The following PLIN3 variants were observed in gnomAD, a reference collection of about 807,000 sequenced individuals.
PLIN3 encodes the protein perilipin 3, also known as perilipin-3.
PLIN3 carries 30 observed loss-of-function variants against 35.9 expected under a neutral mutation model. That is an observed-to-expected ratio of 0.84 (90% CI 0.62 to 1.13). The LOEUF (loss-of-function observed/expected upper bound fraction) is 1.13, where lower values mean the gene tolerates loss of function less well. Among genes scored for constraint, PLIN3 ranks in the 50% most tolerant of loss-of-function variants. The pLI is 0.00. For synonymous variants in PLIN3, 261 were observed against 262.5 expected, an observed-to-expected ratio of 0.99 and a Z score of 0.06; for missense variants, 603 against 596.9, an observed-to-expected ratio of 1.01 and a Z score of -0.11.
chr19:4,849,163 G>T (rs1347331949), intron 5 of PLIN3, among the ~76,000 whole-genome samples: 1 of 151,890 alleles, frequency 6.6e-6, no homozygotes, highest in African/African-American at 2.4e-5. Flanking sequence ...TGTAGGAATG[G>T]GGTCTCACTA....
chr19:4,863,890 G>C (rs2030756969), intron 1 of PLIN3, among the ~76,000 whole-genome samples: 1 of 151,830 alleles, frequency 6.6e-6, no homozygotes, highest in African/African-American at 2.4e-5. Context: ...GACATGACAT[G>C]AACAAAGATC....
In PLIN3 at chr19:4,839,191, C is replaced by A. The variant is rs747726786; in HGVS notation, c.*1G>T. 5.0e-6 allele frequency: 8 copies of A among 1,598,088 alleles called. No individual in the cohort carries two copies. Among genetic ancestry groups the A allele is most frequent in the South Asian group, 1.1e-5 (1 of 89,916 alleles). ...GGCCCGCTGAGTCCTCTCCTCTCCC[C>A]CTACTTCTTCTCCTCCGGGGCTTTC... On this transcript the variant is annotated 3_prime_UTR_variant, in exon 8 of 8. Transcript: ENST00000221957.
At chr19:4,842,599 CAAAAAAAA>C (rs11383489) in intron 7 of PLIN3, among the ~76,000 whole-genome samples, 1 of 46,906 alleles carries the variant, frequency 2.1e-5, no homozygotes, top group African/African-American at 9.4e-5. Flanking sequence ...GACTCTATCT[CAAAAAAAA>C]AAAAAAAAAA....
intron 7 of PLIN3, among the ~76,000 whole-genome samples, chr19:4,841,604 T>TA (rs370959554): frequency 0.45 from 63,631 of 140,724 alleles, 14,185 homozygotes; most frequent in African/African-American, 0.49. Flanking sequence ...ATAAAACTGT[T>TA]AAAAAAAAAA....
At chr19:4,855,249 GA>G (rs377681525) in intron 4 of PLIN3, among the ~76,000 whole-genome samples, 56 of 36,408 alleles carry the variant, frequency 1.5e-3, no homozygotes, top group South Asian at 2.6e-3. Flanking sequence ...GACTCCATCT[GA>G]AAAAAAAAAA....
At chr19:4,848,029 G>A (rs1401349617) in intron 5 of PLIN3, 139 bp from the exon 6 acceptor site, 2 of 703,320 alleles carry the variant, frequency 2.8e-6, no homozygotes, top group Admixed American at 2.7e-5. Flanking sequence ...TGTCGCCCAG[G>A]TTGGAGTGCA....
chr19:4,856,240 G>A (rs887213399), intron 4 of PLIN3, among the ~76,000 whole-genome samples: 1 of 152,076 alleles, frequency 6.6e-6, no homozygotes, highest in African/African-American at 2.4e-5. Flanking sequence ...GGGCTGAAGC[G>A]GACATGGAGC....
At chr19:4,844,921 G>A (rs975889809) in intron 6 of PLIN3, 128 bp from the exon 7 acceptor site, 6 of 1,111,928 alleles carry the variant, frequency 5.4e-6, no homozygotes, top group African/African-American at 4.7e-5. Context: ...AGGGAGGGAG[G>A]GAGGAAGGGT....
Position 4,859,940 on chromosome 19 carries a change from C to T in PLIN3, c.151G>A (p.Glu51Lys), listed in dbSNP as rs372147700. The change falls in exon 3 of 8, where the codon GAG becomes AAG. Residue 51 changes from glutamate (E) to lysine (K), a missense_variant. Physicochemically the swap from Glu to Lys is moderately conservative, Grantham distance 56. Transcript: ENST00000221957. ...MVSAAYASTK[E>K]SYPHIKTVCD... ...ACAGTCTTGATGTGCGGGTAGCTCT[C>T]CTTGGTGGAGGCATAGGCTGCGGAC... 6.2e-7 allele frequency: 1 copy of T among 1,614,110 alleles called. No homozygotes were observed. The highest frequency in any genetic ancestry group is 1.1e-5 in the South Asian group (1 of 91,078).
intron 1 of PLIN3, among the ~76,000 whole-genome samples, chr19:4,863,623 AG>A (rs1257968604): frequency 6.6e-6 from 1 of 151,966 alleles, no homozygotes; most frequent in East Asian, 1.9e-4. Context: ...GGTGGAGACC[AG>A]CCTGGCCAAC....
chr19:4,861,294 G>A (rs2030666210), intron 2 of PLIN3, 35 bp downstream of exon 2: 2 of 1,586,066 alleles, frequency 1.3e-6, no homozygotes, highest in South Asian at 2.2e-5. Flanking sequence ...GGAATCACAG[G>A]GTCGGGGCAG....
rs377406882 is a variant in PLIN3, at chr19:4,843,314, G to A, written c.960+1354C>T. 8.3e-4 allele frequency among the ~76,000 whole-genome samples: 126 copies of A among 152,018 alleles called. 2 individuals are homozygous for A. The South Asian group carries it at 0.015, about 18-fold the overall frequency. The stretch of plus-strand genomic sequence containing the variant: ...AAGGTCAGCAGATCAAGACCATCCC[G>A]GGTAACACGGTGAAATCGCGTCTCT... On this transcript the variant is annotated intron_variant, in intron 7 of 7. Coordinates refer to ENST00000221957, the MANE Select transcript of PLIN3 (RefSeq NM_005817.5).
chr19:4,859,409 T>G (rs928071236), intron 4 of PLIN3, among the ~76,000 whole-genome samples, 181 bp downstream of exon 4: 5 of 152,150 alleles, frequency 3.3e-5, no homozygotes, highest in Non-Finnish European at 7.4e-5. Context: ...GTAATCTGGC[T>G]GGCTTTGCAA....
intron 7 of PLIN3, among the ~76,000 whole-genome samples, chr19:4,841,089 C>G (rs2029883967): frequency 6.6e-6 from 1 of 152,170 alleles, no homozygotes; most frequent in South Asian, 2.1e-4. Flanking sequence ...AAATGTTAAA[C>G]CATAGAATCA....
intron 4 of PLIN3, among the ~76,000 whole-genome samples, chr19:4,855,881 C>T (rs987262169): frequency 2.0e-5 from 3 of 150,766 alleles, no homozygotes; most frequent in Non-Finnish European, 2.9e-5. Flanking sequence ...GCCAAGATCA[C>T]GCCACTGCAC....
At chr19:4,852,365 A>G in intron 4 of PLIN3, 64 bp from the exon 5 acceptor site, 1 of 1,552,622 alleles carries the variant, frequency 6.4e-7, no homozygotes, top group Non-Finnish European at 8.7e-7. Context: ...CCTCCCCTGC[A>G]CCCCAACTTC....
intron 6 of PLIN3, among the ~76,000 whole-genome samples, chr19:4,845,784 C>G (rs959929479): frequency 7.0e-6 from 1 of 142,802 alleles, no homozygotes; most frequent in African/African-American, 2.6e-5. Flanking sequence ...ATTAGCCCAG[C>G]GTGGTGGTGG....
intron 4 of PLIN3, among the ~76,000 whole-genome samples, chr19:4,855,062 C>T (rs531892376): frequency 1.3e-5 from 2 of 151,664 alleles, no homozygotes; most frequent in Non-Finnish European, 2.9e-5. Flanking sequence ...CCAGCCTGGC[C>T]AACATGGTGA....
chr19:4,863,429 G>A (rs372463904), intron 1 of PLIN3, among the ~76,000 whole-genome samples: 5 of 149,702 alleles, frequency 3.3e-5, no homozygotes, highest in East Asian at 3.9e-4. Context: ...CCCGGGAAGC[G>A]GAAGTTGCAG....
Sources: allele counts gnomAD v4.1 joint callset (sites outside exome capture counted in the v4.1 genomes callset), GRCh38; gene constraint gnomAD v4.1.1; transcripts MANE v1.5; gene names NCBI Gene and HGNC (gene_info 2026-07-23, HGNC 2026-07-21).